Variants in PXDNL observed in about 807,000 individuals in gnomAD.
PXDNL encodes peroxidasin like.
In PXDNL, 145 loss-of-function variants were observed where a neutral mutation model predicts 150.8. The observed-to-expected ratio is 0.96, with a 90% CI of 0.84 to 1.10. PXDNL has a LOEUF of 1.10. PXDNL is among the 50% of genes least tolerant of loss of function. The pLI is 0.00. For synonymous variants in PXDNL, 757 were observed against 725.7 expected (o/e 1.04, Z -0.69); for missense variants, 2,087 against 1,873.9 (o/e 1.11, Z -2.10).
chr8:51,359,193 A>G (rs368023979), intron 19 of PXDNL, among the ~76,000 whole-genome samples: 1 of 152,214 alleles, frequency 6.6e-6, no homozygotes, highest in African/African-American at 2.4e-5. Flanking sequence ...CCGAATAGTT[A>G]TCAGAGAGAG....
chr8:51,790,731 G>A (rs1204878458), intron 1 of PXDNL, among the ~76,000 whole-genome samples: 4 of 50,216 alleles, frequency 8.0e-5, no homozygotes, highest in Non-Finnish European at 1.0e-4. Flanking sequence ...GCCCAGCCCC[G>A]GGTGCCAGCA....
chr8:51,735,526 G>GTTTTTTTTT (rs777986365), intron 1 of PXDNL, among the ~76,000 whole-genome samples: 2 of 41,060 alleles, frequency 4.9e-5, no homozygotes, highest in African/African-American at 1.0e-4. Flanking sequence ...ATTAAAAATT[G>GTTTTTTTTT]TTTTTTTTTT....
At chr8:51,350,008 G>A (rs932274236) in intron 19 of PXDNL, among the ~76,000 whole-genome samples, 5 of 152,014 alleles carry the variant, frequency 3.3e-5, no homozygotes, top group African/African-American at 1.2e-4. Flanking sequence ...CATTCATATT[G>A]CATATGAAAC....
intron 19 of PXDNL, among the ~76,000 whole-genome samples, chr8:51,365,376 C>T (rs186650338): frequency 6.6e-6 from 1 of 152,334 alleles, no homozygotes; most frequent in Admixed American, 6.5e-5. Flanking sequence ...TACATCACAT[C>T]AGGTATTACA....
intron 1 of PXDNL, among the ~76,000 whole-genome samples, chr8:51,808,343 T>C (rs2037700308): frequency 6.6e-6 from 1 of 151,864 alleles, no homozygotes; most frequent in Non-Finnish European, 1.5e-5. Context: ...TTTTCTTCTT[T>C]TATTTTTTCT....
chr8:51,688,408 A>C (rs1027073322), intron 1 of PXDNL, among the ~76,000 whole-genome samples: 1 of 152,204 alleles, frequency 6.6e-6, no homozygotes, highest in Non-Finnish European at 1.5e-5. Context: ...CAAGAACCAC[A>C]CACAGAACAC....
chr8:51,572,728 A>G (rs1812973985), intron 3 of PXDNL, among the ~76,000 whole-genome samples: 1 of 151,900 alleles, frequency 6.6e-6, no homozygotes, highest in African/African-American at 2.4e-5. Flanking sequence ...TATATGTCTT[A>G]ACACATTTTA....
chr8:51,614,651 T>A (rs1169430827), intron 2 of PXDNL, among the ~76,000 whole-genome samples: 1 of 152,220 alleles, frequency 6.6e-6, no homozygotes, highest in Non-Finnish European at 1.5e-5. Flanking sequence ...GATCAACTTA[T>A]AAATTCACTC....
intron 8 of PXDNL, among the ~76,000 whole-genome samples, chr8:51,458,983 A>G (rs539497637): frequency 6.6e-6 from 1 of 152,366 alleles, no homozygotes; most frequent in South Asian, 2.1e-4. Context: ...TCGAGTTGTC[A>G]TTTTTGAACA....
intron 1 of PXDNL, among the ~76,000 whole-genome samples, chr8:51,771,716 AAGAG>A (rs1009032044): frequency 5.9e-5 from 9 of 152,092 alleles, no homozygotes; most frequent in Admixed American, 3.3e-4. Context: ...GAGAAACAGA[AAGAG>A]AGACAGACAG....
At chr8:51,500,418 G>A (rs921797067) in intron 4 of PXDNL, among the ~76,000 whole-genome samples, 4 of 152,232 alleles carry the variant, frequency 2.6e-5, no homozygotes, top group African/African-American at 7.2e-5. Context: ...CAGGGCAACT[G>A]AAGACAGAAA....
At chr8:51,403,292 A>G (rs976354843) in intron 17 of PXDNL, among the ~76,000 whole-genome samples, 1 of 152,208 alleles carries the variant, frequency 6.6e-6, no homozygotes, top group Non-Finnish European at 1.5e-5. Context: ...AGGAGGCAGG[A>G]TATTTGTACA....
intron 1 of PXDNL, among the ~76,000 whole-genome samples, chr8:51,760,845 C>CTTGTTTTTTTT (rs2037154639): frequency 2.2e-5 from 1 of 45,476 alleles, no homozygotes; most frequent in Non-Finnish European, 3.8e-5. Context: ...ATCACTTAAA[C>CTTGTTTTTTTT]TTTTTTTTTT....
At chr8:51,787,294 C>T (rs1263753872) in intron 1 of PXDNL, among the ~76,000 whole-genome samples, 2 of 152,146 alleles carry the variant, frequency 1.3e-5, no homozygotes, top group Non-Finnish European at 2.9e-5. Context: ...AAATACATTT[C>T]TTATGGCTAC....
At chr8:51,666,787 C>T (rs374432868) in intron 1 of PXDNL, among the ~76,000 whole-genome samples, 1 of 152,174 alleles carries the variant, frequency 6.6e-6, no homozygotes, top group East Asian at 1.9e-4. Context: ...TTCTCCTGCA[C>T]TCTATATGCC....
intron 14 of PXDNL, among the ~76,000 whole-genome samples, chr8:51,416,441 C>G (rs760209163): frequency 5.9e-5 from 9 of 152,212 alleles, no homozygotes; most frequent in Non-Finnish European, 1.2e-4. Flanking sequence ...GATTTACAAG[C>G]ATAGGGATTT....
intron 2 of PXDNL, among the ~76,000 whole-genome samples, chr8:51,647,325 C>T (rs886833493): frequency 1.3e-5 from 2 of 151,916 alleles, no homozygotes; most frequent in Non-Finnish European, 2.9e-5. Flanking sequence ...ATCAAAATAC[C>T]GACACATGAC....
At chr8:51,407,667 T>G (rs1401494705) in intron 17 of PXDNL, among the ~76,000 whole-genome samples, 1 of 152,224 alleles carries the variant, frequency 6.6e-6, no homozygotes, top group Non-Finnish European at 1.5e-5. Context: ...GTTTTTATTA[T>G]CACTACTTTT....
chr8:51,720,518 A>G (rs1199270921), intron 1 of PXDNL, among the ~76,000 whole-genome samples: 5 of 152,154 alleles, frequency 3.3e-5, no homozygotes, highest in Non-Finnish European at 5.9e-5. Context: ...GAATTTATAC[A>G]TAGTATTTTT....
Sources: allele counts gnomAD v4.1 joint callset (sites outside exome capture counted in the v4.1 genomes callset), GRCh38; gene constraint gnomAD v4.1.1; transcripts MANE v1.5; gene names NCBI Gene and HGNC (gene_info 2026-07-23, HGNC 2026-07-21).